CDH12: variants seen among roughly 807,000 people sequenced by gnomAD.
CDH12 encodes cadherin 12, also known as cadherin-12.
Under a neutral mutation model 74.1 loss-of-function variants are expected in CDH12, and 41 were observed. The observed-to-expected ratio is 0.55, with a 90% CI of 0.43 to 0.72. The LOEUF is 0.72. Ranked by LOEUF, CDH12 falls within the 30% of genes least tolerant of loss-of-function variation. CDH12 has a pLI of 0.00. For missense variants in CDH12, 945 were observed against 977.2 expected (o/e 0.97, Z 0.44); for synonymous variants, 399 against 355.0 (o/e 1.12, Z -1.39).
intron 6 of CDH12, among the ~76,000 whole-genome samples, chr5:21,873,900 C>A (rs1383415469): frequency 1.8e-5 from 1 of 55,800 alleles, no homozygotes; most frequent in Non-Finnish European, 3.7e-5. Context: ...ATAATAGCTT[C>A]CAGCTTCACC....
chr5:21,946,377 T>C (rs2150095706), intron 6 of CDH12, among the ~76,000 whole-genome samples: 1 of 152,280 alleles, frequency 6.6e-6, no homozygotes, highest in Admixed American at 6.5e-5. Context: ...TTCTGTTAAG[T>C]TTTTAAGCCA....
chr5:22,179,904 C>G (rs1206259072), intron 4 of CDH12, among the ~76,000 whole-genome samples: 3 of 152,014 alleles, frequency 2.0e-5, no homozygotes, highest in Non-Finnish European at 4.4e-5. Flanking sequence ...AGTGGTATTA[C>G]CAAGTAGAGG....
intron 1 of CDH12, among the ~76,000 whole-genome samples, chr5:22,573,567 TA>T (rs2126769521): frequency 6.6e-6 from 1 of 152,308 alleles, no homozygotes; most frequent in East Asian, 1.9e-4. Context: ...ATTGCCTTTC[TA>T]AAAGAAAGCA....
chr5:21,807,141 C>T (rs1022762837), intron 9 of CDH12, among the ~76,000 whole-genome samples: 4 of 152,136 alleles, frequency 2.6e-5, no homozygotes, highest in Non-Finnish European at 5.9e-5. Flanking sequence ...TTCACTCTAA[C>T]CCCACCCAGA....
intron 1 of CDH12, among the ~76,000 whole-genome samples, chr5:22,585,847 G>T: frequency 6.6e-6 from 1 of 151,776 alleles, no homozygotes; most frequent in Non-Finnish European, 1.5e-5. Context: ...TGATCTTTTG[G>T]CTTAAGATTG....
intron 3 of CDH12, among the ~76,000 whole-genome samples, chr5:22,389,615 T>C (rs1181497539): frequency 1.3e-5 from 2 of 151,732 alleles, no homozygotes; most frequent in Non-Finnish European, 2.9e-5. Context: ...GTGAGGAGAA[T>C]ACAGACATAC....
chr5:22,722,063 C>A (rs1288535630), intron 1 of CDH12, among the ~76,000 whole-genome samples: 2 of 152,158 alleles, frequency 1.3e-5, no homozygotes, highest in Non-Finnish European at 2.9e-5. Context: ...ACATATGTCA[C>A]CTTTTCTCTT....
At chr5:21,926,068 G>C (rs958113345) in intron 6 of CDH12, among the ~76,000 whole-genome samples, 2 of 151,850 alleles carry the variant, frequency 1.3e-5, no homozygotes, top group Admixed American at 1.3e-4. Flanking sequence ...CATCTCACTT[G>C]AAAGTTCAGA....
chr5:22,385,452 T>G (rs759771101), intron 3 of CDH12, among the ~76,000 whole-genome samples: 1 of 152,218 alleles, frequency 6.6e-6, no homozygotes, highest in Non-Finnish European at 1.5e-5. Context: ...GAAAACTTCC[T>G]AGAAAACTTC....
intron 1 of CDH12, among the ~76,000 whole-genome samples, chr5:22,711,133 T>G (rs553527147): frequency 2.0e-5 from 3 of 152,048 alleles, no homozygotes; most frequent in African/African-American, 7.2e-5. Flanking sequence ...AAAAAAACAG[T>G]GAATGATAAA....
intron 1 of CDH12, among the ~76,000 whole-genome samples, chr5:22,848,526 T>A (rs113063978): frequency 1.3e-5 from 2 of 152,314 alleles, no homozygotes; most frequent in African/African-American, 4.8e-5. Flanking sequence ...ACGATCAAAG[T>A]TTGTTACCCA....
chr5:22,248,135 A>G (rs1415292792), intron 3 of CDH12, among the ~76,000 whole-genome samples: 10 of 152,124 alleles, frequency 6.6e-5, no homozygotes, highest in Admixed American at 6.6e-4. Context: ...TCCCGTCTCT[A>G]CTAATAATAC....
chr5:22,634,063 T>C (rs749817542), intron 1 of CDH12, among the ~76,000 whole-genome samples: 16 of 152,118 alleles, frequency 1.1e-4, no homozygotes, highest in Non-Finnish European at 2.2e-4. Flanking sequence ...ATTAAGATGG[T>C]AGTGATAATC....
At chr5:22,536,532 AGTT>A (rs1387017708) in intron 1 of CDH12, among the ~76,000 whole-genome samples, 1 of 152,154 alleles carries the variant, frequency 6.6e-6, no homozygotes, top group Admixed American at 6.5e-5. Flanking sequence ...ATAGTTATTC[AGTT>A]GTTGATGATT....
intron 6 of CDH12, among the ~76,000 whole-genome samples, chr5:21,968,978 G>C (rs775263906): frequency 4.6e-5 from 7 of 151,914 alleles, no homozygotes; most frequent in Non-Finnish European, 7.4e-5. Context: ...AGGCTTGATG[G>C]GGGGTGGAGG....
intron 2 of CDH12, among the ~76,000 whole-genome samples, chr5:22,471,295 C>T (rs1175328902): frequency 1.3e-5 from 2 of 152,118 alleles, no homozygotes; most frequent in African/African-American, 2.4e-5. Context: ...CATTTCTGCA[C>T]CTTGCTTCCT....
chr5:22,722,257 A>G (rs986911337), intron 1 of CDH12, among the ~76,000 whole-genome samples: 7 of 152,226 alleles, frequency 4.6e-5, no homozygotes, highest in Non-Finnish European at 7.3e-5. Flanking sequence ...TGCAGTCAGC[A>G]TGCTTCTGCT....
At chr5:22,524,973 A>T (rs896464003) in intron 1 of CDH12, among the ~76,000 whole-genome samples, 1 of 78,612 alleles carries the variant, frequency 1.3e-5, no homozygotes, top group African/African-American at 5.6e-5. Flanking sequence ...CCTCCACCCC[A>T]CAACCGTCCC....
At chr5:22,072,331 T>C (rs1025090615) in intron 5 of CDH12, among the ~76,000 whole-genome samples, 1 of 152,120 alleles carries the variant, frequency 6.6e-6, no homozygotes, top group Non-Finnish European at 1.5e-5. Context: ...TACTGAAATA[T>C]GGCTACCTAG....
Sources: gnomAD v4.1 joint callset for allele counts (sites outside exome capture counted in the v4.1 genomes callset) on GRCh38, gnomAD v4.1.1 for gene constraint, MANE v1.5 for transcripts, NCBI Gene and HGNC (gene_info 2026-07-23, HGNC 2026-07-21) for gene names.